The following SLC28A3 variants were observed in gnomAD, a reference collection of about 807,000 sequenced individuals.
SLC28A3 encodes concentrative Na(+)-nucleoside cotransporter 3.
Under a neutral mutation model 84.2 loss-of-function variants are expected in SLC28A3, and 68 were observed. The ratio of observed to expected loss-of-function variants is 0.81; its 90% CI spans 0.66 to 0.99. The LOEUF (loss-of-function observed/expected upper bound fraction) is 0.99. SLC28A3 is among the 50% of genes least tolerant of loss of function. SLC28A3 has a pLI of 0.00. For synonymous variants in SLC28A3, 267 were observed against 303.6 expected (o/e 0.88, Z 1.25); for missense variants, 712 against 841.5 (o/e 0.85, Z 1.90).
the SLC28A3 span, among the ~76,000 whole-genome samples, chr9:84,364,882 T>C: frequency 6.6e-6 from 1 of 152,220 alleles, no homozygotes; most frequent in Non-Finnish European, 1.5e-5. Context: ...TAGTATTCCA[T>C]TGTGTATATG....
intron 15 of SLC28A3, 65 bp from the exon 16 acceptor site, chr9:84,280,138 T>A: frequency 1.4e-6 from 2 of 1,476,132 alleles, no homozygotes; most frequent in Non-Finnish European, 1.9e-6. Context: ...TCTTAGCCTC[T>A]GAAAATTGTT....
intron 7 of SLC28A3, among the ~76,000 whole-genome samples, 169 bp downstream of exon 7, chr9:84,297,737 C>T (rs898880905): frequency 5.3e-5 from 8 of 152,224 alleles, no homozygotes; most frequent in African/African-American, 1.9e-4. Context: ...ACAAACCAGA[C>T]AGACTAACAT....
the SLC28A3 span, among the ~76,000 whole-genome samples, chr9:84,350,031 G>T: frequency 6.6e-6 from 1 of 152,224 alleles, no homozygotes; most frequent in African/African-American, 2.4e-5. Context: ...ATAGCCTGTG[G>T]CTCCTAGACT....
At chr9:84,283,431 A>G (rs973302715) in intron 14 of SLC28A3, among the ~76,000 whole-genome samples, 2 of 152,272 alleles carry the variant, frequency 1.3e-5, no homozygotes, top group Non-Finnish European at 2.9e-5. Flanking sequence ...GCTATACAAT[A>G]GAATACTATG....
At chr9:84,344,301 G>T (rs1827216281), upstream of SLC28A3, among the ~76,000 whole-genome samples, 1 of 147,450 alleles carries the variant, frequency 6.8e-6, no homozygotes, top group Admixed American at 7.0e-5. Flanking sequence ...TGATTCTCCT[G>T]CCTCAGTCTC....
chr9:84,329,343 T>C (rs1826688519), intron 1 of SLC28A3, among the ~76,000 whole-genome samples: 1 of 152,152 alleles, frequency 6.6e-6, no homozygotes. Flanking sequence ...ATACAAGAAT[T>C]GAACAGTGGT....
chr9:84,286,513 C>T (rs1288212349), intron 12 of SLC28A3, among the ~76,000 whole-genome samples: 1 of 133,864 alleles, frequency 7.5e-6, no homozygotes, highest in African/African-American at 2.8e-5. Context: ...TCTTGAACTT[C>T]TGGGCTTAAG....
At position 84,276,142 on chromosome 9, in the gene SLC28A3, TG is replaced by T. The variant is rs1185541067; in HGVS notation, c.*2075del. ...ACTTTTAAGCACATTTAGACCAACATGGGTATGTAAATTTACTTTGCAAATT... is the reference window on the plus strand; with the variant it reads ...ACTTTTAAGCACATTTAGACCAACATGGTATGTAAATTTACTTTGCAAATT... On this transcript the variant is annotated 3_prime_UTR_variant, in exon 18 of 18. Transcript: ENST00000376238. 6.6e-6 allele frequency: 1 copy of T among 152,016 alleles called. No individual in the cohort carries two copies. The highest frequency in any genetic ancestry group is 1.5e-5 in the Non-Finnish European group (1 of 67,992). 9.4% of individuals were successfully genotyped at this position (152,016 alleles called of 1,614,324 possible). A position where few individuals can be genotyped will look rare whatever the true frequency, so the allele number is the denominator to read the frequency against.
chr9:84,296,306 G>A (rs1291492678), intron 8 of SLC28A3, among the ~76,000 whole-genome samples: 3 of 152,132 alleles, frequency 2.0e-5, no homozygotes, highest in Non-Finnish European at 4.4e-5. Flanking sequence ...TAAACTGCAG[G>A]CTTCTTACAA....
the SLC28A3 span, among the ~76,000 whole-genome samples, chr9:84,347,680 G>A: frequency 6.6e-6 from 1 of 152,300 alleles, no homozygotes; most frequent in South Asian, 2.1e-4. Flanking sequence ...GTGCTTAGGT[G>A]AGGGGATTCC....
intron 1 of SLC28A3, among the ~76,000 whole-genome samples, chr9:84,337,433 T>C: frequency 7.0e-6 from 1 of 142,162 alleles, no homozygotes; most frequent in African/African-American, 2.6e-5. Context: ...GATGCTAGCC[T>C]GTGTGTGTGC....
At chr9:84,337,323 A>G (rs1252196506) in intron 1 of SLC28A3, among the ~76,000 whole-genome samples, 1 of 152,040 alleles carries the variant, frequency 6.6e-6, no homozygotes, top group Non-Finnish European at 1.5e-5. Context: ...ATTCTACTGA[A>G]TAAATAGAAA....
the SLC28A3 span, among the ~76,000 whole-genome samples, chr9:84,346,097 G>A: frequency 1.2e-3 from 187 of 152,224 alleles, no homozygotes; most frequent in African/African-American, 4.4e-3. Flanking sequence ...TTTTCATTGC[G>A]TTGTCACTCA....
the SLC28A3 span, among the ~76,000 whole-genome samples, chr9:84,362,659 T>TAATA: frequency 3.3e-3 from 475 of 145,498 alleles, 1 homozygote; most frequent in African/African-American, 9.4e-3. Flanking sequence ...ATAAATAAGT[T>TAATA]AATAAATAAA....
intron 8 of SLC28A3, among the ~76,000 whole-genome samples, 184 bp from the exon 9 acceptor site, chr9:84,294,459 C>G (rs1203005746): frequency 2.0e-5 from 3 of 152,198 alleles, no homozygotes; most frequent in Non-Finnish European, 4.4e-5. Flanking sequence ...TGTCACAGGA[C>G]TTTGACTTTT....
At chr9:84,304,216 T>A (rs891680304) in intron 4 of SLC28A3, among the ~76,000 whole-genome samples, 5 of 152,252 alleles carry the variant, frequency 3.3e-5, no homozygotes, top group African/African-American at 9.6e-5. Context: ...TTTGACCTTA[T>A]GTCTGAAATA....
At chr9:84,352,850 A>G in the SLC28A3 span, among the ~76,000 whole-genome samples, 1 of 145,248 alleles carries the variant, frequency 6.9e-6, no homozygotes, top group Admixed American at 7.2e-5. Context: ...CCAAGATCGC[A>G]CGACTGAACT....
At chr9:84,299,418 A>G (rs888906528) in intron 6 of SLC28A3, among the ~76,000 whole-genome samples, 163 bp downstream of exon 6, 12 of 152,196 alleles carry the variant, frequency 7.9e-5, no homozygotes, top group Non-Finnish European at 1.5e-4. Context: ...AAACAGTACC[A>G]TGAAAGTTCA....
intron 1 of SLC28A3, among the ~76,000 whole-genome samples, chr9:84,318,769 T>G (rs919078384): frequency 6.0e-5 from 9 of 151,218 alleles, no homozygotes; most frequent in African/African-American, 2.2e-4. Flanking sequence ...CTCGGGAGGG[T>G]GAGACAGGAG....
Sources: gnomAD v4.1 joint callset for allele counts (sites outside exome capture counted in the v4.1 genomes callset) on GRCh38, gnomAD v4.1.1 for gene constraint, MANE v1.5 for transcripts, NCBI Gene and HGNC (gene_info 2026-07-23, HGNC 2026-07-21) for gene names.